TMEM117: variants seen among roughly 807,000 people sequenced by gnomAD.
TMEM117 encodes the protein transmembrane protein 117.
TMEM117 carries 27 observed loss-of-function variants against 52.4 expected under a neutral mutation model. The ratio of observed to expected loss-of-function variants is 0.51; its 90% CI spans 0.38 to 0.71. The LOEUF (loss-of-function observed/expected upper bound fraction) is 0.71. TMEM117 is among the 30% of genes least tolerant of loss of function. The probability of loss-of-function intolerance (pLI) is 0.00; values close to 1 mark genes in which losing one functional copy is unlikely to be tolerated. For synonymous variants in TMEM117, 215 were observed against 206.3 expected (o/e 1.04, Z -0.36); for missense variants, 556 against 630.5 (o/e 0.88, Z 1.26).
intron 3 of TMEM117, among the ~76,000 whole-genome samples, chr12:43,979,895 T>C (rs1173315939): frequency 2.0e-5 from 3 of 152,162 alleles, no homozygotes; most frequent in African/African-American, 7.2e-5. Context: ...GTGGCCGTTA[T>C]TAGAAAGGGG....
chr12:44,188,226 T>C (rs1023685566), intron 4 of TMEM117, among the ~76,000 whole-genome samples: 1 of 152,172 alleles, frequency 6.6e-6, no homozygotes, highest in Non-Finnish European at 1.5e-5. Flanking sequence ...TCTCTTTCAA[T>C]GACTTTGATC....
intron 5 of TMEM117, among the ~76,000 whole-genome samples, chr12:44,262,883 C>T (rs952662799): frequency 2.6e-5 from 4 of 152,122 alleles, no homozygotes; most frequent in Non-Finnish European, 5.9e-5. Context: ...CACTGCGCCC[C>T]GCCGAGGTTC....
At chr12:43,987,757 CAT>C (rs536474213) in intron 3 of TMEM117, among the ~76,000 whole-genome samples, 84 of 152,232 alleles carry the variant, frequency 5.5e-4, no homozygotes, top group Admixed American at 1.6e-3. Flanking sequence ...AAAATAAAAA[CAT>C]GTACATTAAT....
At chr12:44,082,036 T>C (rs1395202045) in intron 3 of TMEM117, among the ~76,000 whole-genome samples, 1 of 151,850 alleles carries the variant, frequency 6.6e-6, no homozygotes, top group Admixed American at 6.6e-5. Flanking sequence ...TATGAAATTA[T>C]CAGCCAAATA....
intron 2 of TMEM117, among the ~76,000 whole-genome samples, chr12:43,912,534 T>TATATATATATATATATATATATATATAA (rs1239034268): frequency 1.2e-4 from 16 of 130,072 alleles, no homozygotes; most frequent in African/African-American, 4.0e-4. Context: ...TATATATATA[T>TATATATATATATATATATATATATATAA]ATGGCAGAAT....
chr12:44,200,546 T>G (rs1949481690), intron 4 of TMEM117, among the ~76,000 whole-genome samples: 1 of 152,174 alleles, frequency 6.6e-6, no homozygotes, highest in Non-Finnish European at 1.5e-5. Flanking sequence ...CTGTGTTATT[T>G]TAAATGGGCC....
chr12:44,268,962 C>T (rs1950413997), intron 5 of TMEM117, among the ~76,000 whole-genome samples: 1 of 152,056 alleles, frequency 6.6e-6, no homozygotes, highest in African/African-American at 2.4e-5. Flanking sequence ...TTAGTTTTAC[C>T]AACCTTACAT....
chr12:44,133,599 A>T (rs1948447317), intron 3 of TMEM117, among the ~76,000 whole-genome samples: 1 of 152,102 alleles, frequency 6.6e-6, no homozygotes, highest in Non-Finnish European at 1.5e-5. Flanking sequence ...TTGGTGGTTA[A>T]GTCAAGAGAA....
At chr12:43,828,432 C>G in the TMEM117 span, among the ~76,000 whole-genome samples, 12 of 152,270 alleles carry the variant, frequency 7.9e-5, no homozygotes, top group East Asian at 1.7e-3. Flanking sequence ...TTCCAGCCCC[C>G]CTACCTTATT....
At chr12:44,220,592 C>T (rs185389266) in intron 5 of TMEM117, among the ~76,000 whole-genome samples, 2 of 152,082 alleles carry the variant, frequency 1.3e-5, no homozygotes, top group Non-Finnish European at 2.9e-5. Context: ...AATAAGCACA[C>T]CCCCTACCCA....
chr12:44,214,138 ATTTT>A lies in TMEM117; in HGVS notation c.608+2774_608+2777del, dbSNP rs773352634. 3.3e-3 allele frequency among the ~76,000 whole-genome samples: 331 copies of A among 99,258 alleles called. 2 individuals are homozygous for A. The highest frequency in any genetic ancestry group is 0.01 in the African/African-American group (317 of 31,146). 65.1% of individuals were successfully genotyped at this position (99,258 alleles called of 152,430 possible). ...CAATGTCTTACAAATTTTTTTTTTA[ATTTT>A]TTTTTTTTTTTTTTTTTTTTTTAAG... On this transcript the variant is annotated intron_variant, in intron 5 of 7. Transcript: ENST00000266534.
chr12:44,144,929 G>A (rs992752410), intron 4 of TMEM117, among the ~76,000 whole-genome samples: 62 of 152,130 alleles, frequency 4.1e-4, no homozygotes, highest in African/African-American at 1.4e-3. Flanking sequence ...AGGCCGAGGC[G>A]GGCGGATCAT....
At chr12:44,308,785 A>G (rs895502434) in intron 6 of TMEM117, among the ~76,000 whole-genome samples, 9 of 151,734 alleles carry the variant, frequency 5.9e-5, no homozygotes, top group African/African-American at 2.2e-4. Context: ...GCGCCCGGCT[A>G]ATTTTTTGTA....
chr12:44,351,981 C>T (rs937478350), intron 6 of TMEM117, among the ~76,000 whole-genome samples: 4 of 152,056 alleles, frequency 2.6e-5, no homozygotes, highest in Middle Eastern at 3.4e-3. Flanking sequence ...AGCAATCGCC[C>T]TCAGTACAGC....
intron 5 of TMEM117, among the ~76,000 whole-genome samples, chr12:44,234,784 A>T (rs1375798413): frequency 6.6e-6 from 1 of 151,422 alleles, no homozygotes; most frequent in East Asian, 1.9e-4. Flanking sequence ...TATTTCTGGC[A>T]TAATTAAATT....
At chr12:44,309,284 C>CTGA (rs1414689717) in intron 6 of TMEM117, among the ~76,000 whole-genome samples, 8 of 152,142 alleles carry the variant, frequency 5.3e-5, no homozygotes, top group Non-Finnish European at 1.0e-4. Flanking sequence ...GTGGCAGGAC[C>CTGA]TGATGTAGAA....
chr12:44,134,277 A>G (rs2174508), intron 3 of TMEM117, among the ~76,000 whole-genome samples: 40,724 of 151,846 alleles, frequency 0.27, 9,809 homozygotes, highest in African/African-American at 0.65. Flanking sequence ...GCAGTGGTGC[A>G]ATCAAGGCTT....
At chr12:44,335,200 A>T (rs1951324935) in intron 6 of TMEM117, among the ~76,000 whole-genome samples, 1 of 152,032 alleles carries the variant, frequency 6.6e-6, no homozygotes, top group Admixed American at 6.6e-5. Flanking sequence ...CTGAAGTCAG[A>T]TTATGGAAGC....
intron 2 of TMEM117, among the ~76,000 whole-genome samples, chr12:43,880,745 T>C (rs1222730760): frequency 6.6e-6 from 1 of 152,188 alleles, no homozygotes; most frequent in African/African-American, 2.4e-5. Flanking sequence ...TAAACACATC[T>C]TGTAAAAGAA....
Sources: gnomAD v4.1 joint callset for allele counts (sites outside exome capture counted in the v4.1 genomes callset) on GRCh38, gnomAD v4.1.1 for gene constraint, MANE v1.5 for transcripts, NCBI Gene and HGNC (gene_info 2026-07-23, HGNC 2026-07-21) for gene names.